Variants in UGT2B17 observed in about 807,000 individuals in gnomAD.
UGT2B17 encodes the protein UDP glucuronosyltransferase family 2 member B17, also known as UDP-glucuronosyltransferase 2B17.
UGT2B17 carries 21 observed loss-of-function variants against 48.2 expected under a neutral mutation model. The ratio of observed to expected loss-of-function variants is 0.44; its 90% CI spans 0.31 to 0.63. The LOEUF is 0.63. UGT2B17 is among the 20% of genes least tolerant of loss of function. The probability of loss-of-function intolerance (pLI) is 0.08; values close to 1 mark genes in which losing one functional copy is unlikely to be tolerated. For synonymous variants in UGT2B17, 146 were observed against 238.4 expected, an observed-to-expected ratio of 0.61 and a Z score of 3.57; for missense variants, 402 against 696.1, an observed-to-expected ratio of 0.58 and a Z score of 4.75.
chr4:68,569,446 T>C (rs1022998451), intron 1 of UGT2B17, among the ~76,000 whole-genome samples: 1 of 125,402 alleles, frequency 8.0e-6, no homozygotes, highest in Admixed American at 8.2e-5. Context: ...GTAGAGGAAG[T>C]AGCAGAAAGG....
At chr4:68,550,970 G>T in intron 5 of UGT2B17, 74 bp from the exon 6 acceptor site, 1 of 1,119,568 alleles carries the variant, frequency 8.9e-7, no homozygotes. Context: ...CACAATATAA[G>T]GAACTTAAAG....
In UGT2B17 at chr4:68,568,443, G is replaced by A. The variant is rs757248538; in HGVS notation, c.42C>T (p.Leu14=). Residue 14 remains leucine (L), a synonymous_variant, in exon 2 of 7, where the codon CTC becomes CTT. Transcript: ENST00000317746. ...KWMSVFLLMQ[L]SCYFSSGSCG... ...AACTCCCAGAGCTAAAGTAACAACT[G>A]AGCTGCATCAGCAGAAAGACTGACA... 7.3e-7 allele frequency: 1 copy of A among 1,365,398 alleles called. No homozygotes were observed. Among genetic ancestry groups the A allele is most frequent in the Non-Finnish European group, 9.5e-7 (1 of 1,051,636 alleles). The allele number at this position is 1,365,398 out of a possible 1,614,324, so 84.6% of individuals were successfully genotyped here.
intron 6 of UGT2B17, among the ~76,000 whole-genome samples, chr4:68,544,746 G>A (rs1315703491): frequency 8.0e-6 from 1 of 125,418 alleles, no homozygotes; most frequent in Non-Finnish European, 1.7e-5. Flanking sequence ...AGGGATGGAG[G>A]AAGATCTACC....
rs1560584171 is a variant in UGT2B17, at chr4:68,576,227, G to A, written c.-341C>T. ...AGGGAGCCAAGAAATGTAGCAGGAC[G>A]AGCCACAGACAAAACCTCTCAGACA... On this transcript the variant is annotated 5_prime_UTR_variant, in exon 1 of 7. Coordinates refer to ENST00000317746, the MANE Select transcript of UGT2B17 (RefSeq NM_001077.4). Among the ~76,000 whole-genome samples, 1 of 125,876 alleles carries A rather than the reference G, an allele frequency of 7.9e-6. No homozygotes were observed. Among genetic ancestry groups the A allele is most frequent in the Non-Finnish European group, 1.7e-5 (1 of 59,482 alleles). The allele number at this position is 125,876 out of a possible 152,430, so 82.6% of individuals were successfully genotyped here. A position where few individuals can be genotyped will look rare whatever the true frequency, so the allele number is the denominator to read the frequency against.
Position 68,573,043 on chromosome 4 carries a change from C to T in UGT2B17, c.-65+2908G>A, listed in dbSNP as rs1389695939. On this transcript the variant is annotated intron_variant, in intron 1 of 6. Transcript: ENST00000317746. ...ATTTTCACAATGCAAGCTTTGGTATCTAGTTAGTCTATCATTTATTAGCTA... is the reference window on the plus strand; with the variant it reads ...ATTTTCACAATGCAAGCTTTGGTATTTAGTTAGTCTATCATTTATTAGCTA... 3.9e-5 allele frequency among the ~76,000 whole-genome samples: 5 copies of T among 127,490 alleles called. 2 individuals are homozygous for T. The highest frequency in any genetic ancestry group is 2.4e-4 in the Admixed American group (3 of 12,634). 83.6% of individuals were successfully genotyped at this position (127,490 alleles called of 152,430 possible).
chr4:68,570,088 C>A (rs1023472765), intron 1 of UGT2B17, among the ~76,000 whole-genome samples: 1 of 126,376 alleles, frequency 7.9e-6, no homozygotes, highest in Non-Finnish European at 1.7e-5. Flanking sequence ...GCAGGATGAG[C>A]CACAGACAAA....
chr4:68,570,321 C>G (rs1314866335), intron 1 of UGT2B17, among the ~76,000 whole-genome samples: 1 of 126,696 alleles, frequency 7.9e-6, no homozygotes, highest in South Asian at 3.5e-4. Flanking sequence ...CAGAACAGGG[C>G]AGGGGGTTTT....
Position 68,568,502 on chromosome 4 carries a change from C to T in UGT2B17, c.-18G>A, listed in dbSNP as rs765300904. On this transcript the variant is annotated 5_prime_UTR_variant, in exon 2 of 7. Transcript: ENST00000317746. ...AGAGACATCCTGGTCTTATGCAGTG[C>T]TTCTTTTCCAGTTGTTGTTTCTTTC... 41 of 1,297,834 alleles carry T rather than the reference C, an allele frequency of 3.2e-5. 9 individuals are homozygous for T. The highest frequency in any genetic ancestry group is 1.6e-5 in the Non-Finnish European group (16 of 1,017,634). 80.4% of individuals were successfully genotyped at this position (1,297,834 alleles called of 1,614,324 possible).
rs1731177880 is a variant in UGT2B17, at chr4:68,565,330, A to T, written c.873+242T>A. 1.6e-5 allele frequency among the ~76,000 whole-genome samples: 2 copies of T among 126,084 alleles called. 1 individual carries two copies. Among genetic ancestry groups the T allele is most frequent in the Non-Finnish European group, 3.4e-5 (2 of 59,622 alleles). 82.7% of individuals were successfully genotyped at this position (126,084 alleles called of 152,430 possible). Reference sequence around the variant, plus strand: ...AACCATACTATCTTGTGGGTTGCACAATGAAGGCCTTACTTTAACCAACCC... The same window carrying T: ...AACCATACTATCTTGTGGGTTGCACTATGAAGGCCTTACTTTAACCAACCC... On this transcript the variant is annotated intron_variant, in intron 3 of 6. Coordinates refer to ENST00000317746, the MANE Select transcript of UGT2B17 (RefSeq NM_001077.4).
At position 68,552,761 on chromosome 4, in the gene UGT2B17, C is replaced by T. The variant is rs1367137373; in HGVS notation, c.1006-850G>A. 2.4e-5 allele frequency among the ~76,000 whole-genome samples: 3 copies of T among 125,508 alleles called. 1 individual carries two copies. The highest frequency in any genetic ancestry group is 8.2e-5 in the African/African-American group (3 of 36,796). The allele number at this position is 125,508 out of a possible 152,430, so 82.3% of individuals were successfully genotyped here. ...CAATTGGCTGAGGTCTGGGAGCAAC[C>T]CCTCCAGAGAATCCCTGATACCCCA... is the stretch of plus-strand genomic sequence containing the variant. On this transcript the variant is annotated intron_variant, in intron 4 of 6. Coordinates refer to ENST00000317746, the MANE Select transcript of UGT2B17 (RefSeq NM_001077.4).
In UGT2B17 at chr4:68,567,985, A is replaced by T; in HGVS notation, c.500T>A (p.Ile167Lys). Residue 167 changes from isoleucine (I) to lysine (K), a missense_variant, in exon 2 of 7, where the codon ATA becomes AAA. Ile to Lys is a moderately radical substitution (Grantham distance 102, BLOSUM62 -3). Around this residue, in one of 5 missense-constraint regions of UGT2B17, gnomAD observed 106 missense variants for 169.8 expected, o/e 0.62. Transcript: ENST00000317746. ...CGELLAELLN[I>K]PFLYSLRFSV... is the part of the protein sequence containing the mutation. ...GAAGCGGAGACTGTACAGAAAGGGT[A>T]TGTTAAGTAGCTCAGCCAGCAGCTC... 1.4e-6 allele frequency: 2 copies of T among 1,382,234 alleles called. No homozygotes were observed. Among genetic ancestry groups the T allele is most frequent in the South Asian group, 1.6e-5 (1 of 62,310 alleles). The allele number at this position is 1,382,234 out of a possible 1,614,324, so 85.6% of individuals were successfully genotyped here.
At chr4:68,565,271 A>G (rs1731176651) in intron 3 of UGT2B17, among the ~76,000 whole-genome samples, 1 of 126,350 alleles carries the variant, frequency 7.9e-6, no homozygotes, top group Admixed American at 8.1e-5. Flanking sequence ...TGTGGTTTGC[A>G]TTAATCACTC....
chr4:68,575,526 G>T (rs192205073), intron 1 of UGT2B17, among the ~76,000 whole-genome samples: 1,965 of 125,384 alleles, frequency 0.016, 521 homozygotes, highest in South Asian at 0.059. Context: ...TCCCAGTGCA[G>T]TGGGCTTACT....
rs1730793391 is a variant in UGT2B17, at chr4:68,545,888, T to A, written c.1313+4789A>T. Among the ~76,000 whole-genome samples, 3 of 125,470 alleles carry A rather than the reference T, an allele frequency of 2.4e-5. 1 individual carries two copies. The South Asian group carries it at 1.1e-3, about 48-fold the overall frequency. 82.3% of individuals were successfully genotyped at this position (125,470 alleles called of 152,430 possible). ...GACTAAACCAGGAAGAAGTTGAATCTCTGAATAGACTAATAACAGGCTCTG... is the reference window on the plus strand; with the variant it reads ...GACTAAACCAGGAAGAAGTTGAATCACTGAATAGACTAATAACAGGCTCTG... On this transcript the variant is annotated intron_variant, in intron 6 of 6. Transcript: ENST00000317746.
rs761031191 is a variant in UGT2B17, at chr4:68,561,676, GT to G, written c.874-1009del. On this transcript the variant is annotated intron_variant, in intron 3 of 6. Transcript: ENST00000317746. ...TATATGAAGCTCCTGGTAAATATGTGTTTGCTTCGAAATGAATGAGAATTAT... is the reference window on the plus strand; with the variant it reads ...TATATGAAGCTCCTGGTAAATATGTGTTGCTTCGAAATGAATGAGAATTAT... Among the ~76,000 whole-genome samples, 33 of 121,058 alleles carry G rather than the reference GT, an allele frequency of 2.7e-4. 6 individuals carry two copies. Among genetic ancestry groups the G allele is most frequent in the Non-Finnish European group, 4.6e-4 (27 of 58,332 alleles). 79.4% of individuals were successfully genotyped at this position (121,058 alleles called of 152,430 possible).
rs1021744723 is a variant in UGT2B17, at chr4:68,563,862, T to C, written c.873+1710A>G. 3.2e-5 allele frequency among the ~76,000 whole-genome samples: 4 copies of C among 126,036 alleles called. 1 individual carries two copies. Among genetic ancestry groups the C allele is most frequent in the Non-Finnish European group, 6.7e-5 (4 of 59,608 alleles). 82.7% of individuals were successfully genotyped at this position (126,036 alleles called of 152,430 possible). On this transcript the variant is annotated intron_variant, in intron 3 of 6. Transcript: ENST00000317746. ...ACACAGAGTATCTGTTCTCTAGGAT[T>C]TTGCTAGGAAAATCAATCATTATTA...
chr4:68,550,194 G>C (rs922135898), intron 6 of UGT2B17, among the ~76,000 whole-genome samples: 1 of 124,206 alleles, frequency 8.1e-6, no homozygotes, highest in Non-Finnish European at 1.7e-5. Context: ...TTGTGGCTTC[G>C]TAACTATGTA....
At position 68,568,428 on chromosome 4, in the gene UGT2B17, G is replaced by A. The variant is rs754904697; in HGVS notation, c.57C>T (p.Ser19=). 4.4e-5 allele frequency: 60 copies of A among 1,370,226 alleles called. 19 individuals are homozygous for A. Among genetic ancestry groups the A allele is most frequent in the South Asian group, 6.7e-5 (4 of 59,440 alleles). 84.9% of individuals were successfully genotyped at this position (1,370,226 alleles called of 1,614,324 possible). ...CCAGCACCTTTCCACAACTCCCAGA[G>A]CTAAAGTAACAACTGAGCTGCATCA... ...FLLMQLSCYF[S]SGSCGKVLVW... Residue 19 remains serine, a synonymous_variant, in exon 2 of 7, where the codon AGC becomes AGT. Coordinates refer to ENST00000317746, the MANE Select transcript of UGT2B17 (RefSeq NM_001077.4).
chr4:68,538,262 G>A lies in UGT2B17; in HGVS notation c.1314-358C>T, dbSNP rs1403443779. 1.6e-5 allele frequency among the ~76,000 whole-genome samples: 2 copies of A among 123,960 alleles called. 1 individual carries two copies. Among genetic ancestry groups the A allele is most frequent in the South Asian group, 7.7e-4 (2 of 2,592 alleles). 81.3% of individuals were successfully genotyped at this position (123,960 alleles called of 152,430 possible). Reference sequence around the variant, plus strand: ...TTAGTTTTTTTTTTTTTTGAGACAGGCTTTTGCTCCATTACACAGGCTGAG... The same window carrying A: ...TTAGTTTTTTTTTTTTTTGAGACAGACTTTTGCTCCATTACACAGGCTGAG... On this transcript the variant is annotated intron_variant, in intron 6 of 6. Transcript: ENST00000317746.
Sources: gnomAD v4.1 joint callset for allele counts (sites outside exome capture counted in the v4.1 genomes callset) on GRCh38, gnomAD v4.1.1 for gene constraint, gnomAD v4.1.1 regional missense constraint, MANE v1.5 for transcripts, NCBI Gene and HGNC (gene_info 2026-07-23, HGNC 2026-07-21) for gene names.